The following HLF variants were observed in gnomAD, a reference collection of about 807,000 sequenced individuals.
HLF encodes HLF transcription factor, PAR bZIP family member.
HLF carries 3 observed loss-of-function variants against 22.6 expected under a neutral mutation model. The ratio of observed to expected loss-of-function variants is 0.13; its 90% CI spans 0.06 to 0.34. The LOEUF (loss-of-function observed/expected upper bound fraction) is 0.34. Among genes scored for constraint, HLF ranks in the 10% least tolerant of loss-of-function variants. The probability of loss-of-function intolerance (pLI) is 1.00; values close to 1 mark genes in which losing one functional copy is unlikely to be tolerated. For missense variants in HLF, 299 were observed against 389.2 expected (o/e 0.77, Z 1.95); for synonymous variants, 151 against 151.8 (o/e 0.99, Z 0.04).
At chr17:55,266,771 C>A in intron 1 of HLF, 1 of 977,418 alleles carries the variant, frequency 1.0e-6, no homozygotes, top group Non-Finnish European at 1.2e-6. Flanking sequence ...ATTCCTTAAT[C>A]CCAGATTCCA....
At chr17:55,300,230 CT>C in intron 2 of HLF, among the ~76,000 whole-genome samples, 1 of 152,204 alleles carries the variant, frequency 6.6e-6, no homozygotes, top group South Asian at 2.1e-4. Flanking sequence ...GGAAACATCT[CT>C]TTGGTCAGTC....
Position 55,292,907 on chromosome 17 carries a change from G to C in HLF, c.452-22320G>C, listed in dbSNP as rs887376432. Among the ~76,000 whole-genome samples, 22 of 151,946 alleles carry C rather than the reference G, an allele frequency of 1.4e-4. 1 individual carries two copies. Among genetic ancestry groups the C allele is most frequent in the Middle Eastern group, 6.8e-3 (2 of 294 alleles). On this transcript the variant is annotated intron_variant, in intron 2 of 3. Transcript: ENST00000226067. ...AGCCATTCACAGGAAGACAAATATT[G>C]TATGTTCTTATTCAAATTGGGAGCT...
intron 2 of HLF, among the ~76,000 whole-genome samples, chr17:55,294,696 G>A (rs180902625): frequency 6.6e-6 from 1 of 152,234 alleles, no homozygotes; most frequent in East Asian, 1.9e-4. Flanking sequence ...GGAATGTTAC[G>A]GCTTCCTTCT....
chr17:55,301,381 T>A (rs775471511), intron 2 of HLF, among the ~76,000 whole-genome samples: 3 of 152,288 alleles, frequency 2.0e-5, no homozygotes, highest in Non-Finnish European at 4.4e-5. Context: ...TAGTTTATCA[T>A]TTTCTGTGTA....
intron 2 of HLF, among the ~76,000 whole-genome samples, chr17:55,298,699 A>G (rs887073362): frequency 6.6e-6 from 1 of 152,184 alleles, no homozygotes; most frequent in East Asian, 1.9e-4. Flanking sequence ...AAATTTACCT[A>G]CTTCTCCCTA....
At chr17:55,295,637 A>T (rs570055812) in intron 2 of HLF, among the ~76,000 whole-genome samples, 1 of 152,248 alleles carries the variant, frequency 6.6e-6, no homozygotes, top group Non-Finnish European at 1.5e-5. Flanking sequence ...ACCCACTTCC[A>T]GAACATTAGT....
In HLF at chr17:55,323,078, G is replaced by T. The variant is rs1338930973; in HGVS notation, c.*2199G>T. On this transcript the variant is annotated 3_prime_UTR_variant, in exon 4 of 4. Transcript: ENST00000226067. Reference sequence around the variant, plus strand: ...CCATCAGCAATGCTTCTCTCATAGTGTCATAGACTTGGGAAACCCAACCAG... The same window carrying T: ...CCATCAGCAATGCTTCTCTCATAGTTTCATAGACTTGGGAAACCCAACCAG... 4.5e-6 allele frequency: 1 copy of T among 219,828 alleles called. No individual in the cohort carries two copies. Among genetic ancestry groups the T allele is most frequent in the African/African-American group, 2.2e-5 (1 of 44,568 alleles). 13.6% of individuals were successfully genotyped at this position (219,828 alleles called of 1,614,324 possible).
chr17:55,286,831 C>T (rs2081008221), intron 2 of HLF, among the ~76,000 whole-genome samples: 1 of 152,140 alleles, frequency 6.6e-6, no homozygotes, highest in Non-Finnish European at 1.5e-5. Flanking sequence ...GAAACTTTTC[C>T]AGCTAGATGC....
At chr17:55,275,516 C>T (rs2080897235) in intron 2 of HLF, among the ~76,000 whole-genome samples, 1 of 152,132 alleles carries the variant, frequency 6.6e-6, no homozygotes, top group Non-Finnish European at 1.5e-5. Flanking sequence ...AATATAGTGA[C>T]CTTGGGGGTA....
intron 1 of HLF, 52 bp downstream of exon 1, chr17:55,265,651 C>T: frequency 1.5e-6 from 2 of 1,343,700 alleles, no homozygotes; most frequent in Non-Finnish European, 2.1e-6. Context: ...CCGGGGGTCC[C>T]CCTCCGCGGC....
chr17:55,278,483 G>C (rs1460710337), intron 2 of HLF, among the ~76,000 whole-genome samples: 1 of 152,162 alleles, frequency 6.6e-6, no homozygotes, highest in Admixed American at 6.5e-5. Context: ...TTAATGGAAA[G>C]AGTTAAGCAC....
Position 55,315,122 on chromosome 17 carries a change from T to A in HLF, c.452-105T>A, listed in dbSNP as rs912897565. The A allele has an allele frequency of 7.6e-6, 6 of 787,612 alleles. 1 individual carries two copies. In the East Asian group the frequency reaches 1.5e-4, roughly 19 times the overall value. The allele number at this position is 787,612 out of a possible 1,614,324, so 48.8% of individuals were successfully genotyped here. A position where few individuals can be genotyped will look rare whatever the true frequency, so the allele number is the denominator to read the frequency against. On this transcript the variant is annotated intron_variant, in intron 2 of 3. Transcript: ENST00000226067. ...AGATAAATCATGTTAGCATCATATA[T>A]AAGTGAGCTGAAGACTCTTACCACT...
chr17:55,279,126 A>G (rs1041810596), intron 2 of HLF, among the ~76,000 whole-genome samples: 7 of 152,234 alleles, frequency 4.6e-5, no homozygotes, highest in African/African-American at 1.7e-4. Flanking sequence ...TCAAATGGGC[A>G]GTGACAACTA....
chr17:55,314,548 TTCTTGGCCACATC>T (rs1321251863), intron 2 of HLF, among the ~76,000 whole-genome samples: 1 of 152,228 alleles, frequency 6.6e-6, no homozygotes, highest in Non-Finnish European at 1.5e-5. Flanking sequence ...ACTGCCCACC[TTCTTGGCCACATC>T]TCTTGTGCTT....
rs28395246 is a variant in HLF, at chr17:55,321,927, C to T, written c.*1048C>T. 0.016 allele frequency: 3,749 copies of T among 229,660 alleles called. 108 individuals carry two copies. Among genetic ancestry groups the T allele is most frequent in the African/African-American group, 0.07 (3,138 of 45,130 alleles). The allele number at this position is 229,660 out of a possible 1,614,324, so 14.2% of individuals were successfully genotyped here. ...TTAACTTTTTCCATATCCCTCTTGA[C>T]ATTCAAAACAGTTACTTAAGATTCA... On this transcript the variant is annotated 3_prime_UTR_variant, in exon 4 of 4. Coordinates refer to ENST00000226067, the MANE Select transcript of HLF (RefSeq NM_002126.5).
intron 2 of HLF, among the ~76,000 whole-genome samples, chr17:55,289,386 G>A (rs1567817322): frequency 6.6e-6 from 1 of 152,130 alleles, no homozygotes. Context: ...ATGTACCCCA[G>A]GCCCTATGTG....
intron 2 of HLF, among the ~76,000 whole-genome samples, chr17:55,312,883 CCTTA>C (rs1266457433): frequency 4.9e-4 from 74 of 152,150 alleles, no homozygotes; most frequent in African/African-American, 1.7e-3. Context: ...AAAAAATACC[CCTTA>C]CTTTTGATAC....
intron 2 of HLF, among the ~76,000 whole-genome samples, chr17:55,274,397 A>G (rs2080886477): frequency 6.6e-6 from 1 of 152,202 alleles, no homozygotes; most frequent in Admixed American, 6.5e-5. Flanking sequence ...TATTGGTCAC[A>G]GCTAATATTG....
At chr17:55,268,887 C>T (rs1374555799) in intron 2 of HLF, among the ~76,000 whole-genome samples, 2 of 152,166 alleles carry the variant, frequency 1.3e-5, no homozygotes, top group African/African-American at 4.8e-5. Flanking sequence ...ACTGCTAATG[C>T]TCAGATATAA....
Sources: allele counts gnomAD v4.1 joint callset (sites outside exome capture counted in the v4.1 genomes callset), GRCh38; gene constraint gnomAD v4.1.1; transcripts MANE v1.5; gene names NCBI Gene and HGNC (gene_info 2026-07-23, HGNC 2026-07-21).